The following BRWD1 variants were observed in gnomAD, a reference collection of about 807,000 sequenced individuals.
BRWD1 encodes bromodomain and WD repeat-containing protein 1.
BRWD1 carries 82 observed loss-of-function variants against 251.2 expected under a neutral mutation model. The observed-to-expected ratio is 0.33, with a 90% CI of 0.27 to 0.39. BRWD1 has a LOEUF of 0.39. BRWD1 is among the 10% of genes least tolerant of loss of function. BRWD1 has a pLI of 1.00. For missense variants in BRWD1, 2,233 were observed against 2,711.6 expected, an observed-to-expected ratio of 0.82 and a Z score of 3.92; for synonymous variants, 918 against 902.8, an observed-to-expected ratio of 1.02 and a Z score of -0.30.
At chr21:39,308,481 C>CAAAAA (rs35833623) in intron 4 of BRWD1, among the ~76,000 whole-genome samples, 2 of 107,436 alleles carry the variant, frequency 1.9e-5, no homozygotes, top group African/African-American at 3.6e-5. Flanking sequence ...CACCTTGTCT[C>CAAAAA]AAAAAAAAAA....
In BRWD1 at chr21:39,295,769, C is replaced by A; in HGVS notation, c.583G>T (p.Asp195Tyr). 6.2e-7 allele frequency: 1 copy of A among 1,604,240 alleles called. No homozygotes were observed. Among genetic ancestry groups the A allele is most frequent in the Non-Finnish European group, 8.5e-7 (1 of 1,174,528 alleles). ...GTAAAGATTCTATGTCCTGTCCTAT[C>A]AAATGCTACACAGTAAACAGCAGAT... ...HLSAVYCVAF[D>Y]RTGHRIFTGS... The change falls in exon 7 of 41, where the codon GAT (aspartate) becomes TAT (tyrosine). Residue 195 changes from aspartate to tyrosine, a missense_variant. Physicochemically the swap from Asp to Tyr is radical, Grantham distance 160. Coordinates refer to ENST00000342449, the MANE Select transcript of BRWD1 (RefSeq NM_033656.4).
chr21:39,213,647 C>G, intron 32 of BRWD1, 94 bp from the exon 33 acceptor site: 2 of 694,854 alleles, frequency 2.9e-6, no homozygotes, highest in South Asian at 4.1e-5. Context: ...AGTTCACCAA[C>G]CTATACGTGC....
chr21:39,247,651 G>C, intron 21 of BRWD1, 50 bp downstream of exon 21: 1 of 1,538,324 alleles, frequency 6.5e-7, no homozygotes, highest in Non-Finnish European at 8.8e-7. Flanking sequence ...AAAGAATTAA[G>C]CCAAATTCAT....
At chr21:39,314,363 T>TC (rs2036646492), upstream of BRWD1, 2 of 454,900 alleles carry the variant, frequency 4.4e-6, no homozygotes, top group Non-Finnish European at 8.8e-6. Context: ...GGGGTGCGAG[T>TC]CGGGGGAGCA....
chr21:39,313,042 G>A (rs1397099661), intron 3 of BRWD1, 30 bp downstream of exon 3: 6 of 1,366,084 alleles, frequency 4.4e-6, no homozygotes, highest in South Asian at 1.7e-5. Flanking sequence ...GGAGGAACCC[G>A]AGGGAGCGCG....
At chr21:39,237,530 T>C (rs541001980) in intron 22 of BRWD1, among the ~76,000 whole-genome samples, 2 of 152,260 alleles carry the variant, frequency 1.3e-5, no homozygotes, top group East Asian at 1.9e-4. Context: ...AAGGTATTTA[T>C]TAGAAAAAGA....
chr21:39,319,988 G>T (rs568409239), intron 1 of BRWD1, among the ~76,000 whole-genome samples: 2 of 151,786 alleles, frequency 1.3e-5, no homozygotes, highest in African/African-American at 2.4e-5. Flanking sequence ...TTTCTCATTC[G>T]CTGTCACCTC....
In BRWD1 at chr21:39,199,392, A is replaced by C. The variant is rs767690989; in HGVS notation, c.5024T>G (p.Leu1675Ter). 6.2e-7 allele frequency: 1 copy of C among 1,614,086 alleles called. No homozygotes were observed. The highest frequency in any genetic ancestry group is 2.2e-5 in the East Asian group (1 of 44,898). Residue 1675 changes from leucine to a stop codon, truncating the protein, a stop_gained, in exon 40 of 41, where the codon TTA (leucine) becomes TGA (stop). Coordinates refer to ENST00000342449, the MANE Select transcript of BRWD1 (RefSeq NM_033656.4). LOFTEE classifies it high-confidence loss of function. ...GCTCTGTTCATCTTCAGAATTATGT[A>C]ATAACTTTTTTCTAGCTACAGCAGA... ...NASAVARKKL[L>*]HNSEDEQSLK...
Position 39,228,579 on chromosome 21 carries a change from A to G in BRWD1, c.3129T>C (p.Tyr1043=), listed in dbSNP as rs1215569061. 2.5e-6 allele frequency: 4 copies of G among 1,605,188 alleles called. No homozygotes were observed. Among genetic ancestry groups the G allele is most frequent in the African/African-American group, 2.7e-5 (2 of 74,836 alleles). The part of the protein sequence containing the change: ...KLMDKSFSIR[Y]HDMPDVIDFL... ...AGTCAATAACATCTGGCATATCATG[A>G]TATCTAGACAAAAATTTAAAAAATT... The change falls in exon 27 of 41, where the codon TAT becomes TAC. Residue 1043 remains tyrosine (Y), a synonymous_variant. Coordinates refer to ENST00000342449, the MANE Select transcript of BRWD1 (RefSeq NM_033656.4).
At chr21:39,259,932 T>G (rs534323593) in intron 17 of BRWD1, among the ~76,000 whole-genome samples, 1 of 152,050 alleles carries the variant, frequency 6.6e-6, no homozygotes, top group Non-Finnish European at 1.5e-5. Flanking sequence ...TAAAGACAGA[T>G]AGAGAAACTG....
intron 25 of BRWD1, 69 bp downstream of exon 25, chr21:39,232,108 T>A: frequency 8.3e-7 from 1 of 1,208,220 alleles, no homozygotes; most frequent in Non-Finnish European, 1.2e-6. Flanking sequence ...GGTTTTTAAA[T>A]AGATTTGTAA....
chr21:39,210,900 A>G lies in BRWD1; in HGVS notation c.3930T>C (p.Ala1310=). 2 of 1,611,322 alleles carry G rather than the reference A, an allele frequency of 1.2e-6. No homozygotes were observed. The highest frequency in any genetic ancestry group is 1.7e-6 in the Non-Finnish European group (2 of 1,179,266). ...RVHDGKKSIR[A]TNYVESNWKK... ...TCCAGTTGCTTTCAACATAGTTCGT[A>G]GCTCTGATGCTTTTTTTCCCATCAT... The change falls in exon 35 of 41, where the codon GCT becomes GCC. Residue 1310 remains alanine, a synonymous_variant. Coordinates refer to ENST00000342449, the MANE Select transcript of BRWD1 (RefSeq NM_033656.4).
intron 8 of BRWD1, among the ~76,000 whole-genome samples, chr21:39,282,130 C>T (rs1017438653): frequency 1.3e-5 from 2 of 151,270 alleles, no homozygotes; most frequent in African/African-American, 4.9e-5. Flanking sequence ...AAAAAATTAG[C>T]CAGGCATGGT....
chr21:39,272,125 G>T (rs1160694845), intron 13 of BRWD1, among the ~76,000 whole-genome samples: 2 of 151,472 alleles, frequency 1.3e-5, no homozygotes, highest in Non-Finnish European at 2.9e-5. Flanking sequence ...GGTGTTGAGG[G>T]TAGAATAATA....
At chr21:39,268,373 G>A (rs1032845211) in intron 15 of BRWD1, among the ~76,000 whole-genome samples, 8 of 150,918 alleles carry the variant, frequency 5.3e-5, no homozygotes, top group African/African-American at 2.0e-4. Flanking sequence ...CCCAGGAGGC[G>A]GAGGTCGCAG....
At chr21:39,291,954 A>T (rs566298370) in intron 8 of BRWD1, among the ~76,000 whole-genome samples, 26 of 151,694 alleles carry the variant, frequency 1.7e-4, no homozygotes, top group African/African-American at 6.3e-4. Context: ...CTCTTTTTTT[A>T]TTTTTATTTT....
At position 39,186,997 on chromosome 21, in the gene BRWD1, C is replaced by G. The variant is rs2031271081; in HGVS notation, c.*9262G>C. 1.8e-5 allele frequency: 28 copies of G among 1,520,196 alleles called. No homozygotes were observed. Among genetic ancestry groups the G allele is most frequent in the Non-Finnish European group, 2.5e-5 (28 of 1,140,202 alleles). 94.2% of individuals were successfully genotyped at this position (1,520,196 alleles called of 1,614,324 possible). A position where few individuals can be genotyped will look rare whatever the true frequency, so the allele number is the denominator to read the frequency against. ...AGTTTACTTGTGTACCAATTGTTTT[C>G]AGATGCCACTTCTACATTCTCATAG... On this transcript the variant is annotated 3_prime_UTR_variant, in exon 41 of 41. Transcript: ENST00000342449.
intron 23 of BRWD1, among the ~76,000 whole-genome samples, chr21:39,234,903 C>T (rs894674882): frequency 6.6e-6 from 1 of 152,136 alleles, no homozygotes; most frequent in Non-Finnish European, 1.5e-5. Flanking sequence ...ACCAAAATCT[C>T]ACACTTAATC....
chr21:39,203,085 T>G (rs1310707152), intron 37 of BRWD1, among the ~76,000 whole-genome samples: 1 of 152,188 alleles, frequency 6.6e-6, no homozygotes, highest in African/African-American at 2.4e-5. Context: ...GGCCAGGAAT[T>G]ATGAGAAAGG....
Sources: allele counts gnomAD v4.1 joint callset (sites outside exome capture counted in the v4.1 genomes callset), GRCh38; gene constraint gnomAD v4.1.1; transcripts MANE v1.5; gene names NCBI Gene and HGNC (gene_info 2026-07-23, HGNC 2026-07-21).